HECW1: variants seen among roughly 807,000 people sequenced by gnomAD.
HECW1 encodes E3 ubiquitin-protein ligase HECW1.
Under a neutral mutation model 182.3 loss-of-function variants are expected in HECW1, and 61 were observed. The observed-to-expected ratio is 0.33, with a 90% CI of 0.27 to 0.41. The LOEUF is 0.41. HECW1 is among the 10% of genes least tolerant of loss of function. The pLI is 1.00. For synonymous variants in HECW1, 859 were observed against 832.6 expected, an observed-to-expected ratio of 1.03 and a Z score of -0.55; for missense variants, 1,739 against 2,108.9, an observed-to-expected ratio of 0.82 and a Z score of 3.44.
At chr7:43,331,109 A>G (rs554056637) in intron 5 of HECW1, among the ~76,000 whole-genome samples, 320 of 152,066 alleles carry the variant, frequency 2.1e-3, no homozygotes, top group Non-Finnish European at 3.3e-3. Context: ...TACATTAGGT[A>G]TATCTCCTGA....
chr7:43,561,686 T>G, intron 29 of HECW1, 129 bp from the exon 30 acceptor site: 1 of 635,812 alleles, frequency 1.6e-6, no homozygotes, highest in Non-Finnish European at 2.8e-6. Context: ...CAATGTTTTA[T>G]GGTGGTCCTA....
intron 3 of HECW1, among the ~76,000 whole-genome samples, chr7:43,302,329 G>A (rs751011146): frequency 8.5e-5 from 13 of 152,346 alleles, no homozygotes; most frequent in Admixed American, 3.9e-4. Flanking sequence ...CCCCTGCTGC[G>A]TGGTCAGGGC....
chr7:43,139,531 A>G (rs376586588), intron 2 of HECW1, among the ~76,000 whole-genome samples: 13 of 152,010 alleles, frequency 8.6e-5, no homozygotes, highest in African/African-American at 2.9e-4. Flanking sequence ...TTTCTCTTCT[A>G]TAACATTTAG....
chr7:43,362,334 C>T (rs1468934132), intron 6 of HECW1, among the ~76,000 whole-genome samples: 1 of 152,190 alleles, frequency 6.6e-6, no homozygotes, highest in Non-Finnish European at 1.5e-5. Context: ...TGGCTGCCTC[C>T]ATCCTCGGCA....
In HECW1 at chr7:43,215,183, A is replaced by G. The variant is rs146134017; in HGVS notation, c.-31-28692A>G. ...ACAATATTTAATTACCAGTGACTGT[A>G]TAGGCACCGCCTAGTCAGAATGCAC... On this transcript the variant is annotated intron_variant, in intron 2 of 29. Transcript: ENST00000395891. 4.0e-3 allele frequency among the ~76,000 whole-genome samples: 609 copies of G among 152,378 alleles called. 4 individuals carry two copies. Among genetic ancestry groups the G allele is most frequent in the Non-Finnish European group, 7.1e-3 (484 of 68,044 alleles).
chr7:43,155,172 T>TGA (rs1458892148), intron 2 of HECW1, among the ~76,000 whole-genome samples: 1 of 152,214 alleles, frequency 6.6e-6, no homozygotes, highest in Non-Finnish European at 1.5e-5. Context: ...CTCTACCAAG[T>TGA]GAGACCACAT....
chr7:43,152,890 G>A (rs956084488), intron 2 of HECW1, among the ~76,000 whole-genome samples: 7 of 152,148 alleles, frequency 4.6e-5, no homozygotes, highest in African/African-American at 1.7e-4. Flanking sequence ...AGCTGGAGAA[G>A]GCTTAAGTCA....
At chr7:43,283,997 A>G (rs1804269953) in intron 3 of HECW1, among the ~76,000 whole-genome samples, 1 of 152,156 alleles carries the variant, frequency 6.6e-6, no homozygotes, top group African/African-American at 2.4e-5. Flanking sequence ...CTTTGATTCA[A>G]GGACAAGGGA....
At chr7:43,397,392 A>G (rs977748384) in intron 7 of HECW1, among the ~76,000 whole-genome samples, 2 of 152,242 alleles carry the variant, frequency 1.3e-5, no homozygotes, top group Non-Finnish European at 2.9e-5. Flanking sequence ...GTTTTCATGA[A>G]TGTACCATGG....
chr7:43,115,420 C>T (rs1050694194), intron 2 of HECW1, among the ~76,000 whole-genome samples: 2 of 151,956 alleles, frequency 1.3e-5, no homozygotes, highest in African/African-American at 4.8e-5. Flanking sequence ...CATTCCAACC[C>T]CATCTTAGAT....
intron 29 of HECW1, among the ~76,000 whole-genome samples, chr7:43,556,461 C>T (rs946521178): frequency 3.3e-5 from 5 of 152,220 alleles, no homozygotes; most frequent in Admixed American, 6.5e-5. Context: ...CTAAGGCAGG[C>T]GGATAGCTTG....
intron 5 of HECW1, among the ~76,000 whole-genome samples, chr7:43,333,901 C>G (rs982268330): frequency 1.3e-5 from 2 of 152,196 alleles, no homozygotes; most frequent in Non-Finnish European, 2.9e-5. Flanking sequence ...GGACTCTGCT[C>G]TCTGTCAAAC....
At chr7:43,556,697 T>TAAAA (rs201133014) in intron 29 of HECW1, among the ~76,000 whole-genome samples, 1 of 144,016 alleles carries the variant, frequency 6.9e-6, no homozygotes, top group South Asian at 2.2e-4. Context: ...CAAATTAAAT[T>TAAAA]AAAAAAAAAA....
At chr7:43,479,826 G>T (rs1015515437) in intron 17 of HECW1, 82 bp downstream of exon 17, 3 of 1,537,704 alleles carry the variant, frequency 2.0e-6, no homozygotes, top group African/African-American at 1.4e-5. Context: ...TTCTTCAGTG[G>T]CTAGGATCTA....
At chr7:43,507,692 G>T (rs202079846) in intron 22 of HECW1, among the ~76,000 whole-genome samples, 2 of 152,188 alleles carry the variant, frequency 1.3e-5, no homozygotes, top group South Asian at 2.1e-4. Flanking sequence ...TCCCTTCTGG[G>T]TTTATTATTT....
intron 8 of HECW1, among the ~76,000 whole-genome samples, chr7:43,422,488 G>C (rs531436247): frequency 7.1e-4 from 107 of 150,550 alleles, no homozygotes; most frequent in Non-Finnish European, 1.3e-3. Context: ...TCAGCCTCCC[G>C]AGTAGCTGAG....
intron 26 of HECW1, among the ~76,000 whole-genome samples, chr7:43,548,560 G>A (rs1036154428): frequency 4.6e-5 from 7 of 152,194 alleles, no homozygotes; most frequent in Admixed American, 3.3e-4. Flanking sequence ...GAAAGACACC[G>A]TAGGCTTTAG....
intron 4 of HECW1, among the ~76,000 whole-genome samples, chr7:43,319,067 C>T (rs925448790): frequency 2.0e-5 from 3 of 152,200 alleles, no homozygotes; most frequent in African/African-American, 4.8e-5. Flanking sequence ...TCAAGAATGC[C>T]GCATTTCTCT....
At chr7:43,530,104 C>T (rs563370071) in intron 24 of HECW1, among the ~76,000 whole-genome samples, 209 of 150,092 alleles carry the variant, frequency 1.4e-3, no homozygotes, top group African/African-American at 4.7e-3. Context: ...CCTGTGCCAC[C>T]ATGCTTGGCT....
Sources: allele counts gnomAD v4.1 joint callset (sites outside exome capture counted in the v4.1 genomes callset), GRCh38; gene constraint gnomAD v4.1.1; transcripts MANE v1.5; gene names NCBI Gene and HGNC (gene_info 2026-07-23, HGNC 2026-07-21).